Variants in ADAMTSL3 observed in about 807,000 individuals in gnomAD.
ADAMTSL3 encodes ADAMTS like 3, also known as ADAMTS-like protein 3.
ADAMTSL3 carries 128 observed loss-of-function variants against 201.7 expected under a neutral mutation model. The observed-to-expected ratio is 0.63, with a 90% CI of 0.55 to 0.73. The LOEUF is 0.73. Among genes scored for constraint, ADAMTSL3 ranks in the 30% least tolerant of loss-of-function variants. The pLI, the probability that ADAMTSL3 is intolerant of heterozygous loss-of-function variation, is 0.00. For missense variants in ADAMTSL3, 1,990 were observed against 2,119.6 expected (o/e 0.94, Z 1.20); for synonymous variants, 738 against 748.4 (o/e 0.99, Z 0.23).
chr15:83,821,420 T>G (rs2063863178), intron 6 of ADAMTSL3, among the ~76,000 whole-genome samples: 1 of 151,056 alleles, frequency 6.6e-6, no homozygotes, highest in East Asian at 1.9e-4. Flanking sequence ...CCTGGGTACT[T>G]GAGATTAGGG....
intron 20 of ADAMTSL3, among the ~76,000 whole-genome samples, chr15:83,974,756 T>C (rs1459605077): frequency 6.6e-6 from 1 of 152,146 alleles, no homozygotes; most frequent in African/African-American, 2.4e-5. Flanking sequence ...AAATATGTAG[T>C]GTTTGATTTT....
intron 2 of ADAMTSL3, among the ~76,000 whole-genome samples, chr15:83,695,801 C>T (rs1443460919): frequency 6.6e-6 from 1 of 152,134 alleles, no homozygotes; most frequent in Non-Finnish European, 1.5e-5. Context: ...AGGTTTTGGA[C>T]ACTTAAGACT....
At chr15:83,889,938 G>A (rs1429835100) in intron 10 of ADAMTSL3, among the ~76,000 whole-genome samples, 171 bp from the exon 11 acceptor site, 1 of 152,102 alleles carries the variant, frequency 6.6e-6, no homozygotes, top group African/African-American at 2.4e-5. Context: ...AGGAACCTGG[G>A]CATTAGAGTA....
At chr15:83,903,869 G>C (rs78500876) in intron 15 of ADAMTSL3, among the ~76,000 whole-genome samples, 1 of 87,378 alleles carries the variant, frequency 1.1e-5, no homozygotes, top group African/African-American at 5.4e-5. Context: ...AGTGAGCTGA[G>C]ATCCTGCTAC....
chr15:83,958,874 A>G (rs2066905210), intron 19 of ADAMTSL3, among the ~76,000 whole-genome samples: 1 of 152,216 alleles, frequency 6.6e-6, no homozygotes, highest in Admixed American at 6.5e-5. Context: ...ACACTAGAAG[A>G]AACTCAAGAA....
intron 19 of ADAMTSL3, among the ~76,000 whole-genome samples, chr15:83,967,901 T>G (rs1238398230): frequency 2.0e-5 from 3 of 152,180 alleles, no homozygotes; most frequent in Admixed American, 6.5e-5. Context: ...CATCTGATCT[T>G]TGACAAACAT....
Position 83,747,211 on chromosome 15 carries a change from T to C in ADAMTSL3, c.190-26312T>C, listed in dbSNP as rs148594660. ...GCAAGTGTCTGAAATCCTAGTTAGC[T>C]GAGAGCCAGTTCTGGCCATTTCTGA... On this transcript the variant is annotated intron_variant, in intron 3 of 29. Coordinates refer to ENST00000286744, the MANE Select transcript of ADAMTSL3 (RefSeq NM_207517.3). 3.7e-3 allele frequency among the ~76,000 whole-genome samples: 558 copies of C among 152,320 alleles called. 4 individuals are homozygous for C. The highest frequency in any genetic ancestry group is 6.0e-3 in the Non-Finnish European group (407 of 68,018).
chr15:83,976,672 T>C (rs1303738169), intron 20 of ADAMTSL3, among the ~76,000 whole-genome samples: 1 of 151,814 alleles, frequency 6.6e-6, no homozygotes, highest in African/African-American at 2.4e-5. Context: ...CAGTTCACAG[T>C]AGGGTTTGTG....
rs146743599 is a variant in ADAMTSL3 at position 83,959,431 on chromosome 15, A to G, written c.2491-11053A>G. 5.5e-3 allele frequency among the ~76,000 whole-genome samples: 842 copies of G among 152,326 alleles called. 10 individuals are homozygous for G. The highest frequency in any genetic ancestry group is 6.6e-3 in the Non-Finnish European group (448 of 68,022). ...TCTCAAAAAAAGGACATATTCTACT[A>G]AAAGATAAAAATATATTTGTGCATC... On this transcript the variant is annotated intron_variant, in intron 19 of 29. Coordinates refer to ENST00000286744, the MANE Select transcript of ADAMTSL3 (RefSeq NM_207517.3).
intron 3 of ADAMTSL3, among the ~76,000 whole-genome samples, chr15:83,743,082 C>T (rs990790402): frequency 6.6e-5 from 10 of 152,050 alleles, no homozygotes; most frequent in East Asian, 1.9e-4. Context: ...ATTGTAACTG[C>T]GCTTACCTCC....
chr15:83,982,551 C>T lies in ADAMTSL3; in HGVS notation c.2923C>T (p.Pro975Ser). The change falls in exon 21 of 30, where the codon CCC (proline) becomes TCC (serine). Residue 975 changes from proline (P) to serine (S), a missense_variant. By Grantham distance (74) the Pro-to-Ser change is moderately conservative (BLOSUM62 -1). Transcript: ENST00000286744. ...GSLKIHGLAAPDIGVYRCIAG... is the reference protein window; with the variant it reads ...GSLKIHGLAASDIGVYRCIAG... ...ACTAAAAATCCATGGTCTTGCTGCC[C>T]CCGACATCGGCGTGTACCGGTGCAT... The T allele has an allele frequency of 6.2e-7, 1 of 1,614,204 alleles. No individual in the cohort carries two copies. Among genetic ancestry groups the T allele is most frequent in the Non-Finnish European group, 8.5e-7 (1 of 1,180,036 alleles).
chr15:83,704,279 C>T lies in ADAMTSL3; in HGVS notation c.70-110C>T, dbSNP rs2061817396. 2.5e-5 allele frequency: 38 copies of T among 1,502,640 alleles called. No individual in the cohort carries two copies. The South Asian group carries it at 2.8e-4, about 11-fold the overall frequency. 93.1% of individuals were successfully genotyped at this position (1,502,640 alleles called of 1,614,324 possible). ...AGAGAGGTCACTTCCCTTTTTGTTTCTTGGTACAGCTATTAATGGTGGATT... is the reference window on the plus strand; with the variant it reads ...AGAGAGGTCACTTCCCTTTTTGTTTTTTGGTACAGCTATTAATGGTGGATT... On this transcript the variant is annotated intron_variant, in intron 2 of 29. Transcript: ENST00000286744.
chr15:83,694,031 A>G (rs2061647373), intron 2 of ADAMTSL3, among the ~76,000 whole-genome samples: 1 of 152,202 alleles, frequency 6.6e-6, no homozygotes, highest in Admixed American at 6.5e-5. Context: ...AGTGGTGAAG[A>G]GGCTGTGGGA....
At chr15:83,809,944 T>C (rs1380807131) in intron 5 of ADAMTSL3, among the ~76,000 whole-genome samples, 1 of 152,160 alleles carries the variant, frequency 6.6e-6, no homozygotes, top group African/African-American at 2.4e-5. Context: ...AAGTTTTTTC[T>C]TGGTGGGTAG....
chr15:83,687,674 C>G (rs143142646), intron 2 of ADAMTSL3, among the ~76,000 whole-genome samples: 123 of 152,194 alleles, frequency 8.1e-4, no homozygotes, highest in Non-Finnish European at 1.4e-3. Flanking sequence ...CATATGATTT[C>G]AAAATATCCT....
chr15:84,034,090 G>T (rs2068455129), intron 28 of ADAMTSL3, among the ~76,000 whole-genome samples: 2 of 152,082 alleles, frequency 1.3e-5, no homozygotes, highest in African/African-American at 2.4e-5. Context: ...TTCTTTCATG[G>T]TGTTAATATT....
rs376309691 is a variant in ADAMTSL3 at position 84,025,307 on chromosome 15, G to A, written c.4527G>A (p.Thr1509=). ...CGEGYHSRQV[T]CKRTKANGTV... ...AAGGATACCACAGTCGGCAGGTGAC[G>A]TGCAAGCGGACAAAAGCCAATGGAA... Residue 1509 remains threonine (T), a synonymous_variant, in exon 27 of 30, where the codon ACG becomes ACA. Coordinates refer to ENST00000286744, the MANE Select transcript of ADAMTSL3 (RefSeq NM_207517.3). 2.0e-5 allele frequency: 32 copies of A among 1,614,010 alleles called. No individual in the cohort carries two copies. Among genetic ancestry groups the A allele is most frequent in the South Asian group, 3.3e-5 (3 of 91,064 alleles).
At chr15:83,809,712 G>T (rs1309080961) in intron 5 of ADAMTSL3, among the ~76,000 whole-genome samples, 1 of 152,172 alleles carries the variant, frequency 6.6e-6, no homozygotes, top group Non-Finnish European at 1.5e-5. Flanking sequence ...CTCATTGGTG[G>T]TATAGACCCA....
In ADAMTSL3 at chr15:83,931,185, C is replaced by A. The variant is rs145421955; in HGVS notation, c.2117+7152C>A. On this transcript the variant is annotated intron_variant, in intron 17 of 29. Transcript: ENST00000286744. ...GTCCTGCTAGTCTGAGGAGAGCCTT[C>A]TTCTCTAACAGGATTCAACACTGCT... Among the ~76,000 whole-genome samples, 532 of 152,276 alleles carry A rather than the reference C, an allele frequency of 3.5e-3. 3 individuals are homozygous for A. The highest frequency in any genetic ancestry group is 0.012 in the African/African-American group (504 of 41,550).
Sources: allele counts gnomAD v4.1 joint callset (sites outside exome capture counted in the v4.1 genomes callset), GRCh38; gene constraint gnomAD v4.1.1; transcripts MANE v1.5; gene names NCBI Gene and HGNC (gene_info 2026-07-23, HGNC 2026-07-21).